Variants in UBR3 observed in about 807,000 individuals in gnomAD.
UBR3 encodes E3 ubiquitin-protein ligase UBR3.
Under a neutral mutation model 243.2 loss-of-function variants are expected in UBR3, and 85 were observed. That is an observed-to-expected ratio of 0.35 (90% CI 0.29 to 0.42). The LOEUF is 0.42. Ranked by LOEUF, UBR3 falls within the 10% of genes least tolerant of loss-of-function variation. The probability of loss-of-function intolerance (pLI) is 1.00; values close to 1 mark genes in which losing one functional copy is unlikely to be tolerated. For missense variants in UBR3, 1,686 were observed against 2,300.8 expected, an observed-to-expected ratio of 0.73 and a Z score of 5.47; for synonymous variants, 748 against 799.8, an observed-to-expected ratio of 0.94 and a Z score of 1.09.
At chr2:169,907,676 C>T (rs1040533149) in intron 10 of UBR3, among the ~76,000 whole-genome samples, 1 of 152,176 alleles carries the variant, frequency 6.6e-6, no homozygotes, top group Admixed American at 6.5e-5. Context: ...TCTCATCAAT[C>T]TACAGGATAA....
intron 32 of UBR3, among the ~76,000 whole-genome samples, chr2:170,051,161 A>G (rs1261308385): frequency 6.6e-6 from 1 of 152,048 alleles, no homozygotes; most frequent in Non-Finnish European, 1.5e-5. Flanking sequence ...CTTTTGAGCC[A>G]TGATTGGCTG....
chr2:170,054,656 A>C (rs1283850419), intron 32 of UBR3, among the ~76,000 whole-genome samples: 3 of 152,192 alleles, frequency 2.0e-5, no homozygotes, highest in Non-Finnish European at 4.4e-5. Context: ...AGTTTTCATT[A>C]AATTCTGAAG....
At chr2:170,036,984 T>C in intron 31 of UBR3, among the ~76,000 whole-genome samples, 1 of 152,174 alleles carries the variant, frequency 6.6e-6, no homozygotes, top group Non-Finnish European at 1.5e-5. Context: ...ATTTGCAATA[T>C]CTACCTATAT....
intron 31 of UBR3, 108 bp downstream of exon 31, chr2:170,029,556 C>T (rs2090616833): frequency 2.5e-6 from 2 of 789,504 alleles, no homozygotes; most frequent in African/African-American, 1.8e-5. Context: ...TTCACATTTT[C>T]TTTATGAAGC....
chr2:170,041,163 A>G lies in UBR3; in HGVS notation c.4660+178A>G, dbSNP rs552048061. Among the ~76,000 whole-genome samples, 140 of 152,326 alleles carry G rather than the reference A, an allele frequency of 9.2e-4. 1 individual carries two copies. The highest frequency in any genetic ancestry group is 3.3e-3 in the African/African-American group (136 of 41,584). ...CTCGAGACCAGCCTGGGCTATTAATATAGTGAGATGCTGTCTCAAAAAGAG... is the reference window on the plus strand; with the variant it reads ...CTCGAGACCAGCCTGGGCTATTAATGTAGTGAGATGCTGTCTCAAAAAGAG... On this transcript the variant is annotated intron_variant, in intron 32 of 38. Transcript: ENST00000272793.
rs1225620364 is a variant in UBR3 at position 170,059,223 on chromosome 2, TA to T, written c.4786-1852del. ...TTATATTTAACTTTCTGATATGATA[TA>T]AAATTTGCCATGTGTAAAATAAGTG... On this transcript the variant is annotated intron_variant, in intron 33 of 38. Transcript: ENST00000272793. Among the ~76,000 whole-genome samples the T allele has an allele frequency of 1.5e-4, 23 of 152,330 alleles. 1 individual carries two copies. Among genetic ancestry groups the T allele is most frequent in the African/African-American group, 5.5e-4 (23 of 41,582 alleles).
chr2:169,963,921 T>TAC (rs2087693734), intron 24 of UBR3, among the ~76,000 whole-genome samples: 1 of 152,166 alleles, frequency 6.6e-6, no homozygotes, highest in Non-Finnish European at 1.5e-5. Flanking sequence ...GCTTTCTCTC[T>TAC]ACTAAATGAA....
chr2:170,054,682 A>G (rs1282479329), intron 32 of UBR3, among the ~76,000 whole-genome samples: 1 of 152,190 alleles, frequency 6.6e-6, no homozygotes, highest in Non-Finnish European at 1.5e-5. Context: ...TTAGTAACCT[A>G]AACATCAAGA....
Position 169,949,892 on chromosome 2 carries a change from T to G in UBR3, c.3372T>G (p.Pro1124=). ...AAATTTTAATCCAACCAGAAATTCC[T>G]AAATACAGTCATGGAGATGGTATAA... ...DIEILIQPEI[P]KYSHGDGITA... The change falls in exon 23 of 39, where the codon CCT becomes CCG. Residue 1124 remains proline (P), a synonymous_variant. Coordinates refer to ENST00000272793, the MANE Select transcript of UBR3 (RefSeq NM_172070.4). The G allele has an allele frequency of 6.2e-7, 1 of 1,611,650 alleles. No homozygotes were observed. Among genetic ancestry groups the G allele is most frequent in the Non-Finnish European group, 8.5e-7 (1 of 1,178,630 alleles).
At chr2:169,828,179 AG>A in intron 1 of UBR3, 127 bp downstream of exon 1, 1 of 532,972 alleles carries the variant, frequency 1.9e-6, no homozygotes, top group Non-Finnish European at 2.4e-6. Context: ...GTGCAGCCAC[AG>A]GGGGATGGAG....
rs570016733 is a variant in UBR3, at chr2:170,082,014, AT to A, written c.*183del. The A allele has an allele frequency of 0.057, 18,698 of 328,742 alleles. No individual in the cohort carries two copies. Among genetic ancestry groups the A allele is most frequent in the East Asian group, 0.08 (1,570 of 19,738 alleles). 20.4% of individuals were successfully genotyped at this position (328,742 alleles called of 1,614,324 possible). On this transcript the variant is annotated 3_prime_UTR_variant, in exon 39 of 39. Transcript: ENST00000272793. The stretch of plus-strand genomic sequence containing the variant: ...GCTTGGTAATCACGTTAATGGTATA[AT>A]TTTTTTTTTTTAATATCTGGAGAAC...
chr2:169,925,012 G>A (rs1348447267), intron 13 of UBR3, among the ~76,000 whole-genome samples: 2 of 152,120 alleles, frequency 1.3e-5, no homozygotes, highest in Non-Finnish European at 2.9e-5. Context: ...CCAGTCTGGC[G>A]ACAGAGTGAG....
At chr2:169,885,378 G>A (rs900776247) in intron 5 of UBR3, among the ~76,000 whole-genome samples, 1 of 151,930 alleles carries the variant, frequency 6.6e-6, no homozygotes, top group Non-Finnish European at 1.5e-5. Flanking sequence ...GGTTGGGAGT[G>A]CGAGACTAAC....
chr2:169,856,778 G>A (rs1381500708), intron 1 of UBR3, among the ~76,000 whole-genome samples: 4 of 151,440 alleles, frequency 2.6e-5, no homozygotes, highest in Non-Finnish European at 5.9e-5. Flanking sequence ...CCAAGATGGC[G>A]GCAGTACAGT....
intron 24 of UBR3, among the ~76,000 whole-genome samples, chr2:169,967,145 G>T (rs1404459097): frequency 6.6e-6 from 1 of 152,130 alleles, no homozygotes; most frequent in African/African-American, 2.4e-5. Flanking sequence ...TTATACAGTA[G>T]TAAGTGTGGA....
chr2:169,976,575 G>A (rs1474083615), intron 24 of UBR3, among the ~76,000 whole-genome samples: 1 of 152,056 alleles, frequency 6.6e-6, no homozygotes, highest in Non-Finnish European at 1.5e-5. Context: ...TCAGAACTTT[G>A]AAAATATCTA....
chr2:170,028,890 C>T (rs559520699), intron 30 of UBR3, among the ~76,000 whole-genome samples: 74 of 151,974 alleles, frequency 4.9e-4, no homozygotes, highest in African/African-American at 1.7e-3. Context: ...ATTCACTCTT[C>T]AGTCTAAATG....
chr2:170,062,931 A>G (rs1574468964), intron 35 of UBR3, among the ~76,000 whole-genome samples: 1 of 152,352 alleles, frequency 6.6e-6, no homozygotes, highest in African/African-American at 2.4e-5. Context: ...ACAGTGTGAC[A>G]TAGTGAAGAA....
intron 31 of UBR3, among the ~76,000 whole-genome samples, chr2:170,031,074 G>C (rs1373268567): frequency 6.6e-6 from 1 of 152,002 alleles, no homozygotes; most frequent in Non-Finnish European, 1.5e-5. Context: ...GAGGTTACAA[G>C]TGTGAGCCAC....
Sources: gnomAD v4.1 joint callset for allele counts (sites outside exome capture counted in the v4.1 genomes callset) on GRCh38, gnomAD v4.1.1 for gene constraint, MANE v1.5 for transcripts, NCBI Gene and HGNC (gene_info 2026-07-23, HGNC 2026-07-21) for gene names.